Variants in MRPS5 observed in about 807,000 individuals in gnomAD.
MRPS5 encodes mitochondrial ribosomal protein S5.
In MRPS5, 27 loss-of-function variants were observed where a neutral mutation model predicts 51.9. The observed-to-expected ratio is 0.52, with a 90% CI of 0.38 to 0.72. The LOEUF (loss-of-function observed/expected upper bound fraction) is 0.72. MRPS5 is among the 30% of genes least tolerant of loss of function. The pLI is 0.00. For missense variants in MRPS5, 570 were observed against 545.7 expected (o/e 1.04, Z -0.44); for synonymous variants, 196 against 193.2 (o/e 1.01, Z -0.12).
chr2:95,113,273 G>A (rs768589688), intron 3 of MRPS5, among the ~76,000 whole-genome samples: 6 of 151,772 alleles, frequency 4.0e-5, no homozygotes, highest in Non-Finnish European at 8.8e-5. Flanking sequence ...TCAGAAGATC[G>A]AGACCATCCT....
At chr2:95,111,810 AAATTT>A (rs1676128747) in intron 3 of MRPS5, among the ~76,000 whole-genome samples, 1 of 152,036 alleles carries the variant, frequency 6.6e-6, no homozygotes, top group South Asian at 2.1e-4. Context: ...TGTTTTTTTT[AAATTT>A]AATATTACAT....
intron 3 of MRPS5, among the ~76,000 whole-genome samples, chr2:95,111,535 A>T (rs1304550658): frequency 2.6e-5 from 4 of 152,196 alleles, no homozygotes; most frequent in Non-Finnish European, 5.9e-5. Context: ...ATATATAGTA[A>T]GAGGAAAATA....
intron 10 of MRPS5, among the ~76,000 whole-genome samples, chr2:95,096,538 GC>G (rs769929814): frequency 6.6e-6 from 1 of 152,160 alleles, no homozygotes; most frequent in African/African-American, 2.4e-5. Context: ...TTCAACATAT[GC>G]AAATCAATAA....
In MRPS5 at chr2:95,086,944, T is replaced by G. The variant is rs1281122376; in HGVS notation, c.*413A>C. Among the ~76,000 whole-genome samples, 1 of 152,146 alleles carries G rather than the reference T, an allele frequency of 6.6e-6. No individual in the cohort carries two copies. Among genetic ancestry groups the G allele is most frequent in the African/African-American group, 2.4e-5 (1 of 41,430 alleles). On this transcript the variant is annotated 3_prime_UTR_variant, in exon 12 of 12. Transcript: ENST00000272418. The stretch of plus-strand genomic sequence containing the variant: ...TCCACTGTGGAAAACGGTTTGGAAG[T>G]TCCTCACGGTAGTCAAGTTACTTAA...
chr2:95,090,150 C>T (rs1403570723), intron 11 of MRPS5, among the ~76,000 whole-genome samples: 34 of 134,766 alleles, frequency 2.5e-4, no homozygotes, highest in African/African-American at 9.3e-4. Context: ...GCACTCCAGC[C>T]TGGGTGACAG....
chr2:95,112,322 C>T (rs1170877008), intron 3 of MRPS5, among the ~76,000 whole-genome samples: 1 of 152,152 alleles, frequency 6.6e-6, no homozygotes, highest in Non-Finnish European at 1.5e-5. Flanking sequence ...ACCTCAGCCT[C>T]CCAAAGCGCT....
intron 3 of MRPS5, among the ~76,000 whole-genome samples, chr2:95,114,144 A>G (rs867435584): frequency 5.3e-5 from 8 of 150,426 alleles, no homozygotes; most frequent in Middle Eastern, 3.5e-3. Flanking sequence ...AAAAAAAAAA[A>G]GGCAGCAAAC....
In MRPS5 at chr2:95,087,091, C is replaced by A; in HGVS notation, c.*266G>T. ...TTACTGATTGGGTCAAATTATTAAC[C>A]CCGTCTCCCTAATTCATTTACTTTT... On this transcript the variant is annotated 3_prime_UTR_variant, in exon 12 of 12. Transcript: ENST00000272418. 2.8e-6 allele frequency: 1 copy of A among 361,410 alleles called. No individual in the cohort carries two copies. 22.4% of individuals were successfully genotyped at this position (361,410 alleles called of 1,614,324 possible). A position where few individuals can be genotyped will look rare whatever the true frequency, so the allele number is the denominator to read the frequency against.
chr2:95,113,249 G>A (rs1676179539), intron 3 of MRPS5, among the ~76,000 whole-genome samples: 1 of 151,980 alleles, frequency 6.6e-6, no homozygotes, highest in African/African-American at 2.4e-5. Context: ...GGCCGAGGCG[G>A]GTGGATCACA....
At chr2:95,116,286 CTTAATA>C (rs1342129549) in intron 2 of MRPS5, among the ~76,000 whole-genome samples, 1 of 151,392 alleles carries the variant, frequency 6.6e-6, no homozygotes, top group Non-Finnish European at 1.5e-5. Flanking sequence ...TAATTATTAA[CTTAATA>C]TTAAATAAGA....
Position 95,104,628 on chromosome 2 carries a change from C to T in MRPS5, c.763+12G>A. 1 of 1,613,774 alleles carries T rather than the reference C, an allele frequency of 6.2e-7. No individual in the cohort carries two copies. Among genetic ancestry groups the T allele is most frequent in the Non-Finnish European group, 8.5e-7 (1 of 1,179,632 alleles). Reference sequence around the variant, plus strand: ...CACCACCGCCACTGTGATGCCATCACTCCCCATTCACCTGCAGCTCCTTTT... The same window carrying T: ...CACCACCGCCACTGTGATGCCATCATTCCCCATTCACCTGCAGCTCCTTTT... On this transcript the variant is annotated intron_variant, in intron 7 of 11. Transcript: ENST00000272418.
chr2:95,085,781 A>G lies in MRPS5; in HGVS notation c.*1576T>C, dbSNP rs146101603. 5.1e-3 allele frequency among the ~76,000 whole-genome samples: 784 copies of G among 152,366 alleles called. 8 individuals carry two copies. The highest frequency in any genetic ancestry group is 0.018 in the African/African-American group (739 of 41,582). ...AGATTTAAATAACTCCCAGAGCTTC[A>G]TAACAGTGAAGATGACCAGGATACA... On this transcript the variant is annotated 3_prime_UTR_variant, in exon 12 of 12. Transcript: ENST00000272418.
At chr2:95,111,456 T>C (rs893546660) in intron 3 of MRPS5, among the ~76,000 whole-genome samples, 14 of 152,130 alleles carry the variant, frequency 9.2e-5, no homozygotes, top group African/African-American at 3.1e-4. Flanking sequence ...AGAGACTCAA[T>C]TTTAAAAAGA....
At position 95,090,655 on chromosome 2, in the gene MRPS5, G is replaced by A. The variant is rs1675438825; in HGVS notation, c.932-133C>T. On this transcript the variant is annotated intron_variant, in intron 10 of 11. Transcript: ENST00000272418. Reference sequence around the variant, plus strand: ...CATATTCTGGTATCACCACTTCCTAGTGAGCTGACCCTTGACAACTTACTT... The same window carrying A: ...CATATTCTGGTATCACCACTTCCTAATGAGCTGACCCTTGACAACTTACTT... The A allele has an allele frequency of 5.5e-6, 5 of 913,660 alleles. No individual in the cohort carries two copies. The East Asian group carries it at 1.3e-4, about 24-fold the overall frequency. 56.6% of individuals were successfully genotyped at this position (913,660 alleles called of 1,614,324 possible).
At position 95,119,184 on chromosome 2, in the gene MRPS5, T is replaced by C. The variant is rs189346314; in HGVS notation, c.59-1239A>G. Among the ~76,000 whole-genome samples the C allele has an allele frequency of 3.9e-5, 6 of 152,278 alleles. No homozygotes were observed. The East Asian group carries it at 7.7e-4, about 20-fold the overall frequency. Reference sequence around the variant, plus strand: ...CCCAATATAAAAGTGGGCAACATATTTGAATAGCTATTTCACAAAAACAAA... The same window carrying C: ...CCCAATATAAAAGTGGGCAACATATCTGAATAGCTATTTCACAAAAACAAA... On this transcript the variant is annotated intron_variant, in intron 1 of 11. Transcript: ENST00000272418.
At chr2:95,106,989 C>CT (rs1451703644) in intron 5 of MRPS5, among the ~76,000 whole-genome samples, 1 of 152,190 alleles carries the variant, frequency 6.6e-6, no homozygotes, top group Non-Finnish European at 1.5e-5. Flanking sequence ...TCCCTGCTGC[C>CT]AGCTGGCCTT....
intron 5 of MRPS5, 65 bp from the exon 6 acceptor site, chr2:95,106,522 T>G: frequency 1.5e-6 from 2 of 1,350,702 alleles, no homozygotes; most frequent in Admixed American, 3.4e-5. Context: ...TGAAAGCATT[T>G]TCAACACAGG....
Position 95,108,399 on chromosome 2 carries a change from C to G in MRPS5, c.413G>C (p.Gly138Ala). ...RGQIIGEGRY[G>A]FLWPGLNVPL... ...GACATTCAGTCCGGGCCATAGAAAACCATAACGCCCTGAAGGTTTAAAAAT... is the reference window on the plus strand; with the variant it reads ...GACATTCAGTCCGGGCCATAGAAAAGCATAACGCCCTGAAGGTTTAAAAAT... The change falls in exon 5 of 12, where the codon GGT (glycine) becomes GCT (alanine). Residue 138 changes from glycine (G) to alanine (A), a missense_variant. Gly to Ala is a moderately conservative substitution (Grantham distance 60). Transcript: ENST00000272418. 6 of 1,613,246 alleles carry G rather than the reference C, an allele frequency of 3.7e-6. No individual in the cohort carries two copies. The highest frequency in any genetic ancestry group is 4.2e-6 in the Non-Finnish European group (5 of 1,179,522).
chr2:95,118,063 T>C (rs1173141798), intron 1 of MRPS5, 118 bp from the exon 2 acceptor site: 38 of 700,424 alleles, frequency 5.4e-5, no homozygotes, highest in Non-Finnish European at 8.5e-5. Context: ...GAGTAAGTAA[T>C]TTCTGGGCTC....
Sources: gnomAD v4.1 joint callset for allele counts (sites outside exome capture counted in the v4.1 genomes callset) on GRCh38, gnomAD v4.1.1 for gene constraint, MANE v1.5 for transcripts, NCBI Gene and HGNC (gene_info 2026-07-23, HGNC 2026-07-21) for gene names.